Variants in PLEKHD1 observed in about 807,000 individuals in gnomAD.
PLEKHD1 encodes pleckstrin homology and coiled-coil domain containing D1.
PLEKHD1 carries 51 observed loss-of-function variants against 69.2 expected under a neutral mutation model. The observed-to-expected ratio is 0.74, with a 90% CI of 0.59 to 0.93. PLEKHD1 has a LOEUF of 0.93. Among genes scored for constraint, PLEKHD1 ranks in the 40% least tolerant of loss-of-function variants. The pLI is 0.00. For missense variants in PLEKHD1, 584 were observed against 641.0 expected (o/e 0.91, Z 0.96); for synonymous variants, 236 against 244.7 (o/e 0.96, Z 0.33).
chr14:69,527,675 G>A lies in PLEKHD1; in HGVS notation c.1202-108G>A, dbSNP rs149351614. On this transcript the variant is annotated intron_variant, in intron 11 of 12. Transcript: ENST00000322564. Reference sequence around the variant, plus strand: ...GTGGCTCTGGAATCTCGAGGGACGGGGTCAAAATATTTCCCACTCAATCTC... The same window carrying A: ...GTGGCTCTGGAATCTCGAGGGACGGAGTCAAAATATTTCCCACTCAATCTC... 509 of 1,382,166 alleles carry A rather than the reference G, an allele frequency of 3.7e-4. 2 individuals are homozygous for A. In the African/African-American group the frequency reaches 6.6e-3, roughly 18 times the overall value. The allele number at this position is 1,382,166 out of a possible 1,614,324, so 85.6% of individuals were successfully genotyped here.
At chr14:69,505,820 C>T (rs1460587302) in intron 6 of PLEKHD1, among the ~76,000 whole-genome samples, 3 of 152,216 alleles carry the variant, frequency 2.0e-5, no homozygotes, top group Non-Finnish European at 4.4e-5. Context: ...GCAGGGGGAA[C>T]CCTCCTGACT....
At chr14:69,472,343 C>T in the PLEKHD1 span, among the ~76,000 whole-genome samples, 2 of 152,212 alleles carry the variant, frequency 1.3e-5, no homozygotes, top group Non-Finnish European at 2.9e-5. Context: ...GAGTCTTTGT[C>T]CTTGTGTCTG....
chr14:69,488,316 G>T (rs1566935309), intron 1 of PLEKHD1, among the ~76,000 whole-genome samples: 1 of 152,144 alleles, frequency 6.6e-6, no homozygotes, highest in African/African-American at 2.4e-5. Context: ...TTTTGACTTT[G>T]GTGCTCAGCA....
At chr14:69,471,589 T>C in the PLEKHD1 span, among the ~76,000 whole-genome samples, 1 of 152,176 alleles carries the variant, frequency 6.6e-6, no homozygotes, top group Non-Finnish European at 1.5e-5. Context: ...CAAACTGTAC[T>C]ACCTTGAATA....
At chr14:69,526,479 A>G (rs901779116) in intron 9 of PLEKHD1, among the ~76,000 whole-genome samples, 8 of 152,180 alleles carry the variant, frequency 5.3e-5, no homozygotes, top group Admixed American at 2.6e-4. Flanking sequence ...CAACCTCTGG[A>G]CCCAGGACTC....
upstream of PLEKHD1, among the ~76,000 whole-genome samples, chr14:69,483,951 G>C (rs563389578): frequency 2.0e-5 from 3 of 152,380 alleles, no homozygotes; most frequent in East Asian, 5.8e-4. Context: ...GGATGGAACA[G>C]CTGGTCCCAG....
chr14:69,520,735 A>G (rs1566564681), intron 6 of PLEKHD1, among the ~76,000 whole-genome samples: 1 of 152,236 alleles, frequency 6.6e-6, no homozygotes, highest in Non-Finnish European at 1.5e-5. Flanking sequence ...TCAAAAGAAA[A>G]AAAGAATACA....
At chr14:69,499,288 C>T (rs1330556406) in intron 1 of PLEKHD1, among the ~76,000 whole-genome samples, 20 of 151,832 alleles carry the variant, frequency 1.3e-4, no homozygotes, top group African/African-American at 2.4e-5. Flanking sequence ...TTCAGAATCG[C>T]CACCACATTC....
chr14:69,470,341 C>T, the PLEKHD1 span, among the ~76,000 whole-genome samples: 5 of 151,564 alleles, frequency 3.3e-5, no homozygotes, highest in African/African-American at 1.2e-4. Context: ...TGCACACTTG[C>T]AGTCCCAGCT....
At chr14:69,510,930 C>G (rs1268579347) in intron 6 of PLEKHD1, among the ~76,000 whole-genome samples, 2 of 152,166 alleles carry the variant, frequency 1.3e-5, no homozygotes, top group Non-Finnish European at 2.9e-5. Flanking sequence ...GGAAGTTCCT[C>G]TCTATTACTA....
At chr14:69,520,992 C>T (rs1027596498) in intron 6 of PLEKHD1, among the ~76,000 whole-genome samples, 5 of 151,874 alleles carry the variant, frequency 3.3e-5, no homozygotes, top group African/African-American at 4.8e-5. Context: ...GAGAGCTGGG[C>T]TTGGTGGCTT....
rs1883758658 is a variant in PLEKHD1 at position 69,530,119 on chromosome 14, C to G, written c.*1700C>G. ...CAAGTCCCAGCAAAAAGTGCAAGAA[C>G]CTGGGAGCCCACAACCTATTCTGTG... On this transcript the variant is annotated 3_prime_UTR_variant, in exon 13 of 13. Transcript: ENST00000322564. 6.6e-6 allele frequency: 1 copy of G among 152,224 alleles called. No individual in the cohort carries two copies. The highest frequency in any genetic ancestry group is 6.5e-5 in the Admixed American group (1 of 15,280). The allele number at this position is 152,224 out of a possible 1,614,324, so 9.4% of individuals were successfully genotyped here. A position where few individuals can be genotyped will look rare whatever the true frequency, so the allele number is the denominator to read the frequency against.
At chr14:69,506,375 T>C (rs1883151520) in intron 6 of PLEKHD1, among the ~76,000 whole-genome samples, 1 of 152,188 alleles carries the variant, frequency 6.6e-6, no homozygotes, top group Admixed American at 6.5e-5. Flanking sequence ...ATGGGGCTGC[T>C]ACAAACACTC....
chr14:69,507,116 T>C (rs916966195), intron 6 of PLEKHD1, among the ~76,000 whole-genome samples: 1 of 152,146 alleles, frequency 6.6e-6, no homozygotes, highest in African/African-American at 2.4e-5. Context: ...GGCCTCGAAC[T>C]CCTGACCTCA....
chr14:69,519,885 C>T (rs976733370), intron 6 of PLEKHD1, among the ~76,000 whole-genome samples: 9 of 152,056 alleles, frequency 5.9e-5, no homozygotes, highest in Admixed American at 1.3e-4. Flanking sequence ...CGCCTGGCCG[C>T]GCACGGTGGC....
chr14:69,476,583 AAAACT>A, the PLEKHD1 span, among the ~76,000 whole-genome samples: 1 of 152,122 alleles, frequency 6.6e-6, no homozygotes, highest in African/African-American at 2.4e-5. Flanking sequence ...GTTTTAAAAG[AAAACT>A]AAAAGACATC....
At chr14:69,501,116 AG>A in intron 4 of PLEKHD1, 169 bp downstream of exon 4, 1 of 676,968 alleles carries the variant, frequency 1.5e-6, no homozygotes, top group Admixed American at 2.5e-5. Flanking sequence ...AGCATCTGTG[AG>A]GGGTCCCCTG....
At chr14:69,526,235 C>A in intron 9 of PLEKHD1, 113 bp downstream of exon 9, 1 of 1,133,156 alleles carries the variant, frequency 8.8e-7, no homozygotes, top group Non-Finnish European at 1.2e-6. Flanking sequence ...GTAGGACTCA[C>A]TCACTTCCTT....
intron 6 of PLEKHD1, among the ~76,000 whole-genome samples, chr14:69,508,204 C>T (rs953989700): frequency 7.2e-5 from 11 of 151,962 alleles, no homozygotes; most frequent in Admixed American, 4.6e-4. Context: ...ATGAGGAGTT[C>T]GAGACCAGCC....
Sources: allele counts gnomAD v4.1 joint callset (sites outside exome capture counted in the v4.1 genomes callset), GRCh38; gene constraint gnomAD v4.1.1; transcripts MANE v1.5; gene names NCBI Gene and HGNC (gene_info 2026-07-23, HGNC 2026-07-21).